Variants in ZNF382 observed in about 807,000 individuals in gnomAD.
ZNF382 encodes KRAB/zinc finger suppressor protein 1.
A neutral mutation model predicts 38.8 loss-of-function variants in ZNF382; 20 were observed. The observed-to-expected ratio is 0.51, with a 90% confidence interval of 0.36 to 0.75. ZNF382 has a LOEUF of 0.75. Ranked by LOEUF, ZNF382 falls within the 30% of genes least tolerant of loss-of-function variation. ZNF382 has a pLI of 0.00. For synonymous variants in ZNF382, 202 were observed against 223.1 expected, an observed-to-expected ratio of 0.91 and a Z score of 0.84; for missense variants, 546 against 654.1, an observed-to-expected ratio of 0.83 and a Z score of 1.80.
At chr19:36,620,296 T>C (rs2037158781) in intron 4 of ZNF382, among the ~76,000 whole-genome samples, 1 of 152,208 alleles carries the variant, frequency 6.6e-6, no homozygotes, top group African/African-American at 2.4e-5. Context: ...GCATCATTCT[T>C]GATATCTGCC....
intron 4 of ZNF382, among the ~76,000 whole-genome samples, chr19:36,619,089 C>G (rs1006791764): frequency 1.3e-5 from 2 of 152,104 alleles, no homozygotes; most frequent in African/African-American, 4.8e-5. Flanking sequence ...CTCAAACTTT[C>G]TAGTCTTAGA....
intron 4 of ZNF382, among the ~76,000 whole-genome samples, chr19:36,614,912 T>TCCTTTCCTTTCCTTTCCTTC (rs1182606368): frequency 2.1e-4 from 9 of 43,104 alleles, no homozygotes; most frequent in South Asian, 7.2e-4. Flanking sequence ...TCCTTTCCTT[T>TCCTTTCCTTTCCTTTCCTTC]CCTTCCCTTT....
chr19:36,623,596 C>A (rs531178742), intron 4 of ZNF382, among the ~76,000 whole-genome samples: 1 of 151,926 alleles, frequency 6.6e-6, no homozygotes, highest in Non-Finnish European at 1.5e-5. Context: ...TCAAGACCCA[C>A]CAGGCCAACA....
Position 36,631,096 on chromosome 19 carries a change from A to C in ZNF382, c.*3546A>C, listed in dbSNP as rs2037251341. 6.6e-6 allele frequency: 1 copy of C among 151,894 alleles called. No individual in the cohort carries two copies. The highest frequency in any genetic ancestry group is 2.1e-4 in the South Asian group (1 of 4,818). The allele number at this position is 151,894 out of a possible 1,614,324, so 9.4% of individuals were successfully genotyped here. ...CACTTCACTCACTTTAGAGATTTTC[A>C]CTTTATGAATTGATAAATACAGCAT... On this transcript the variant is annotated 3_prime_UTR_variant, in exon 5 of 5. Coordinates refer to ENST00000292928, the MANE Select transcript of ZNF382 (RefSeq NM_032825.5).
At chr19:36,624,569 A>G (rs1443972044) in intron 4 of ZNF382, among the ~76,000 whole-genome samples, 1 of 152,222 alleles carries the variant, frequency 6.6e-6, no homozygotes, top group Non-Finnish European at 1.5e-5. Flanking sequence ...CTGCACATAC[A>G]TTGAAGAATC....
chr19:36,610,777 T>C (rs2037071264), intron 4 of ZNF382, 35 bp downstream of exon 4: 4 of 1,489,024 alleles, frequency 2.7e-6, no homozygotes, highest in Non-Finnish European at 3.7e-6. Flanking sequence ...GAACATTAAA[T>C]GTCAAGTAGT....
chr19:36,625,854 C>T (rs531706269), intron 4 of ZNF382, among the ~76,000 whole-genome samples: 4 of 152,292 alleles, frequency 2.6e-5, no homozygotes, highest in South Asian at 2.1e-4. Context: ...CCACTGCGCC[C>T]GGCCATCCTT....
At chr19:36,608,632 G>T (rs2037053329) in intron 2 of ZNF382, 1 of 152,142 alleles carries the variant, frequency 6.6e-6, no homozygotes, top group Non-Finnish European at 1.5e-5. Flanking sequence ...TACACTTAGT[G>T]TGATTCTAGT....
rs2037263477 is a variant in ZNF382, at chr19:36,633,069, T to C, written c.*5519T>C. Reference sequence around the variant, plus strand: ...TTTTTTTTTTTTTTGAGACAGTGTCTCGCTCTGTCGCCCAGGCTGGAGGCA... The same window carrying C: ...TTTTTTTTTTTTTTGAGACAGTGTCCCGCTCTGTCGCCCAGGCTGGAGGCA... On this transcript the variant is annotated 3_prime_UTR_variant, in exon 5 of 5. Transcript: ENST00000292928. The C allele has an allele frequency of 6.6e-6, 1 of 151,218 alleles. No homozygotes were observed. The allele number at this position is 151,218 out of a possible 1,614,324, so 9.4% of individuals were successfully genotyped here. A position where few individuals can be genotyped will look rare whatever the true frequency, so the allele number is the denominator to read the frequency against.
chr19:36,614,117 AT>A (rs1394509711), intron 4 of ZNF382, among the ~76,000 whole-genome samples: 2 of 152,064 alleles, frequency 1.3e-5, no homozygotes, highest in African/African-American at 4.8e-5. Flanking sequence ...AGGCGGGCGG[AT>A]CACCTGAGGT....
chr19:36,616,605 A>C (rs560450285), intron 4 of ZNF382, among the ~76,000 whole-genome samples: 1 of 152,290 alleles, frequency 6.6e-6, no homozygotes, highest in Non-Finnish European at 1.5e-5. Context: ...TTAGCTGTTC[A>C]ATATGTGGGC....
At chr19:36,606,729 TAAA>T (rs1208713749) in intron 1 of ZNF382, among the ~76,000 whole-genome samples, 2 of 151,994 alleles carry the variant, frequency 1.3e-5, no homozygotes, top group African/African-American at 4.8e-5. Context: ...GCTAAGATAA[TAAA>T]AAGTATTTGA....
rs546144083 is a variant in ZNF382 at position 36,614,978 on chromosome 19, C to T, written c.232+4236C>T. Among the ~76,000 whole-genome samples the T allele has an allele frequency of 1.8e-3, 228 of 125,600 alleles. 7 individuals are homozygous for T. The highest frequency in any genetic ancestry group is 2.3e-3 in the Non-Finnish European group (141 of 62,480). The allele number at this position is 125,600 out of a possible 152,430, so 82.4% of individuals were successfully genotyped here. Reference sequence around the variant, plus strand: ...CCCTTCCTTTCCTTTCCTTTCCTTTCCTTCTTTCTTTTTTTTTTTTTTTTG... The same window carrying T: ...CCCTTCCTTTCCTTTCCTTTCCTTTTCTTCTTTCTTTTTTTTTTTTTTTTG... On this transcript the variant is annotated intron_variant, in intron 4 of 4. Transcript: ENST00000292928.
At chr19:36,608,899 T>G (rs989409775) in intron 2 of ZNF382, 1 of 152,246 alleles carries the variant, frequency 6.6e-6, no homozygotes, top group African/African-American at 2.4e-5. Flanking sequence ...TACGACCATC[T>G]CTGTTGTAAT....
rs368770603 is a variant in ZNF382 at position 36,626,767 on chromosome 19, A to G, written c.870A>G (p.Gln290=). 7 of 1,614,120 alleles carry G rather than the reference A, an allele frequency of 4.3e-6. No individual in the cohort carries two copies. The African/African-American group carries it at 5.3e-5, about 12-fold the overall frequency. The change falls in exon 5 of 5, where the codon CAA becomes CAG. Residue 290 remains glutamine, a synonymous_variant. Coordinates refer to ENST00000292928, the MANE Select transcript of ZNF382 (RefSeq NM_032825.5). ...KPVFIMPQRP[Q]TEEKPFHCPY... ...TTTTTATTATGCCTCAGAGACCTCA[A>G]ACAGAAGAGAAACCCTTTCACTGTC...
In ZNF382 at chr19:36,626,496, T is replaced by C; in HGVS notation, c.599T>C (p.Ile200Thr). 1 of 1,604,502 alleles carries C rather than the reference T, an allele frequency of 6.2e-7. No homozygotes were observed. Among genetic ancestry groups the C allele is most frequent in the Non-Finnish European group, 8.5e-7 (1 of 1,177,192 alleles). The change falls in exon 5 of 5, where the codon ATT becomes ACT. Residue 200 changes from isoleucine (I) to threonine (T), a missense_variant. Coordinates refer to ENST00000292928, the MANE Select transcript of ZNF382 (RefSeq NM_032825.5). ...ERVLSGKQEL[I>T]QHQKVQAPEQ... ...GTTCTCAGTGGTAAACAGGAGCTTA[T>C]TCAGCATCAGAAGGTTCAAGCTCCA...
intron 4 of ZNF382, among the ~76,000 whole-genome samples, chr19:36,615,789 ATT>A (rs1015194864): frequency 6.6e-6 from 1 of 152,096 alleles, no homozygotes; most frequent in Non-Finnish European, 1.5e-5. Context: ...TTATTTGTGC[ATT>A]TTTTTCTTAA....
At chr19:36,623,830 C>T (rs926368348) in intron 4 of ZNF382, among the ~76,000 whole-genome samples, 3 of 147,952 alleles carry the variant, frequency 2.0e-5, no homozygotes, top group South Asian at 4.3e-4. Context: ...GTGGCTCACA[C>T]CTGTAATCTC....
chr19:36,620,107 C>G (rs922252132), intron 4 of ZNF382, among the ~76,000 whole-genome samples: 2 of 152,128 alleles, frequency 1.3e-5, no homozygotes, highest in African/African-American at 4.8e-5. Flanking sequence ...TTTTCACTTT[C>G]TTCTCTTTCC....
Sources: gnomAD v4.1 joint callset for allele counts (sites outside exome capture counted in the v4.1 genomes callset) on GRCh38, gnomAD v4.1.1 for gene constraint, MANE v1.5 for transcripts, NCBI Gene and HGNC (gene_info 2026-07-23, HGNC 2026-07-21) for gene names.